PTPA: variants seen among roughly 807,000 people sequenced by gnomAD.
PTPA encodes serine/threonine-protein phosphatase 2A activator.
Under a neutral mutation model 43.6 loss-of-function variants are expected in PTPA, and 13 were observed. The ratio of observed to expected loss-of-function variants is 0.30; its 90% confidence interval spans 0.19 to 0.47. The LOEUF is 0.47. Ranked by LOEUF, PTPA falls within the 20% of genes least tolerant of loss-of-function variation. The pLI is 0.99. For synonymous variants in PTPA, 172 were observed against 158.2 expected, an observed-to-expected ratio of 1.09 and a Z score of -0.66; for missense variants, 329 against 411.9, an observed-to-expected ratio of 0.80 and a Z score of 1.74.
chr9:129,128,436 T>A (rs534887115), intron 3 of PTPA, among the ~76,000 whole-genome samples: 3 of 150,904 alleles, frequency 2.0e-5, no homozygotes, highest in African/African-American at 7.3e-5. Context: ...CTTGGGAGGC[T>A]GAGGCAGGAG....
At chr9:129,125,158 G>C (rs1223199444) in intron 3 of PTPA, among the ~76,000 whole-genome samples, 2 of 152,276 alleles carry the variant, frequency 1.3e-5, no homozygotes, top group East Asian at 3.9e-4. Context: ...GTGGAGGAAG[G>C]CTAATTAAAG....
intron 3 of PTPA, among the ~76,000 whole-genome samples, chr9:129,125,572 T>C (rs1849524292): frequency 6.6e-6 from 1 of 152,092 alleles, no homozygotes; most frequent in African/African-American, 2.4e-5. Context: ...AGGGCTGTAC[T>C]TTGGCAGGAT....
chr9:129,113,274 T>C (rs573162725), intron 1 of PTPA, among the ~76,000 whole-genome samples: 115 of 151,890 alleles, frequency 7.6e-4, no homozygotes, highest in African/African-American at 2.7e-3. Flanking sequence ...GTATTTTTAA[T>C]AGGGACAGGG....
intron 7 of PTPA, among the ~76,000 whole-genome samples, chr9:129,137,097 T>A (rs1392172396): frequency 6.6e-6 from 1 of 152,230 alleles, no homozygotes; most frequent in East Asian, 1.9e-4. Context: ...CTCTTGAAGC[T>A]AGTTTTCAGG....
chr9:129,147,357 C>T, intron 9 of PTPA, 30 bp from the exon 10 acceptor site: 1 of 1,610,444 alleles, frequency 6.2e-7, no homozygotes, highest in Non-Finnish European at 8.5e-7. Context: ...GTGGCCCTCA[C>T]CACTCTGCTC....
chr9:129,140,719 G>T (rs1850736319), intron 8 of PTPA, among the ~76,000 whole-genome samples: 1 of 148,468 alleles, frequency 6.7e-6, no homozygotes, highest in Non-Finnish European at 1.5e-5. Flanking sequence ...TGGTTACACA[G>T]CTCCATGCTC....
chr9:129,137,400 C>A (rs1850442563), intron 7 of PTPA, among the ~76,000 whole-genome samples, 192 bp from the exon 8 acceptor site: 1 of 152,268 alleles, frequency 6.6e-6, no homozygotes, highest in Non-Finnish European at 1.5e-5. Context: ...AGTCATGCGT[C>A]CAACGCCATG....
chr9:129,111,473 CG>C lies in PTPA; in HGVS notation c.-126del. 7.9e-7 allele frequency: 1 copy of C among 1,262,214 alleles called. No homozygotes were observed. Among genetic ancestry groups the C allele is most frequent in the Admixed American group, 4.2e-5 (1 of 23,736 alleles). 78.2% of individuals were successfully genotyped at this position (1,262,214 alleles called of 1,614,324 possible). On this transcript the variant is annotated 5_prime_UTR_variant, in exon 1 of 10. Coordinates refer to ENST00000393370, the MANE Select transcript of PTPA (RefSeq NM_178000.3). ...TTAACTCTCGGTTTTCGGTTATAGC[CG>C]GCCGGCGCTCACTTGTCTTCAGGAA...
At position 129,128,909 on chromosome 9, in the gene PTPA, A is replaced by G; in HGVS notation, c.217-76A>G. 7 of 1,577,634 alleles carry G rather than the reference A, an allele frequency of 4.4e-6. No individual in the cohort carries two copies. The African/African-American group carries it at 5.4e-5, about 12-fold the overall frequency. ...CCATGCCAAGGGGTCATTGTCTGGC[A>G]GCAGTGGACTTCCCTCTGTGGCTAA... is the stretch of plus-strand genomic sequence containing the variant. On this transcript the variant is annotated intron_variant, in intron 3 of 9. Coordinates refer to ENST00000393370, the MANE Select transcript of PTPA (RefSeq NM_178000.3).
chr9:129,148,520 G>A lies in PTPA; in HGVS notation c.*1056G>A, dbSNP rs1851436905. The A allele has an allele frequency of 6.6e-6, 1 of 152,532 alleles. No homozygotes were observed. Among genetic ancestry groups the A allele is most frequent in the African/African-American group, 2.4e-5 (1 of 41,450 alleles). 9.4% of individuals were successfully genotyped at this position (152,532 alleles called of 1,614,324 possible). On this transcript the variant is annotated 3_prime_UTR_variant, in exon 10 of 10. Transcript: ENST00000393370. ...ACTGTCCATTGCTTTTATAGGGTGA[G>A]GTAAGAGACAGCCTCCCAAGCCCAG... is the stretch of plus-strand genomic sequence containing the variant.
At chr9:129,139,206 T>C (rs578016252) in intron 8 of PTPA, among the ~76,000 whole-genome samples, 1 of 152,292 alleles carries the variant, frequency 6.6e-6, no homozygotes, top group East Asian at 1.9e-4. Context: ...ATTGATTCCA[T>C]GGTAAAATTT....
At chr9:129,128,907 G>A in intron 3 of PTPA, 78 bp from the exon 4 acceptor site, 4 of 1,570,772 alleles carry the variant, frequency 2.5e-6, no homozygotes, top group Non-Finnish European at 2.6e-6. Context: ...TCATTGTCTG[G>A]CAGCAGTGGA....
At position 129,147,688 on chromosome 9, in the gene PTPA, G is replaced by A; in HGVS notation, c.*224G>A. 1.8e-6 allele frequency: 1 copy of A among 540,640 alleles called. No homozygotes were observed. The highest frequency in any genetic ancestry group is 3.3e-6 in the Non-Finnish European group (1 of 299,280). The allele number at this position is 540,640 out of a possible 1,614,324, so 33.5% of individuals were successfully genotyped here. On this transcript the variant is annotated 3_prime_UTR_variant, in exon 10 of 10. Coordinates refer to ENST00000393370, the MANE Select transcript of PTPA (RefSeq NM_178000.3). ...TGTAGCCAGTTTTCTGAGTTCCCGT[G>A]TGCTAGACTGGCCAGAAGAGAGGGT...
At chr9:129,111,846 T>C (rs1269389432) in intron 1 of PTPA, 2 of 1,188,540 alleles carry the variant, frequency 1.7e-6, no homozygotes, top group African/African-American at 3.2e-5. Flanking sequence ...GGGGTGGTGA[T>C]TGGGGCGCAA....
Position 129,111,463 on chromosome 9 carries a change from C to T in PTPA, c.-138C>T. On this transcript the variant is annotated 5_prime_UTR_variant, in exon 1 of 10. Coordinates refer to ENST00000393370, the MANE Select transcript of PTPA (RefSeq NM_178000.3). ...TGTGGTGACTTTAACTCTCGGTTTT[C>T]GGTTATAGCCGGCCGGCGCTCACTT... 7.9e-7 allele frequency: 1 copy of T among 1,258,380 alleles called. No homozygotes were observed. Among genetic ancestry groups the T allele is most frequent in the Non-Finnish European group, 1.0e-6 (1 of 993,632 alleles). The allele number at this position is 1,258,380 out of a possible 1,614,324, so 78.0% of individuals were successfully genotyped here. A position where few individuals can be genotyped will look rare whatever the true frequency, so the allele number is the denominator to read the frequency against.
intron 3 of PTPA, 49 bp from the exon 4 acceptor site, chr9:129,128,936 C>T (rs373109896): frequency 3.6e-5 from 57 of 1,604,568 alleles, no homozygotes; most frequent in Non-Finnish European, 4.4e-5. Context: ...TGTGGCTAAG[C>T]GGGAGCCACT....
chr9:129,120,795 C>T (rs367570141), intron 2 of PTPA, among the ~76,000 whole-genome samples, 185 bp downstream of exon 2: 1 of 152,188 alleles, frequency 6.6e-6, no homozygotes, highest in East Asian at 1.9e-4. Context: ...GATGCTTTAT[C>T]AGGAAGGTTG....
At chr9:129,140,771 C>G (rs1043000024) in intron 8 of PTPA, among the ~76,000 whole-genome samples, 1 of 136,442 alleles carries the variant, frequency 7.3e-6, no homozygotes, top group Admixed American at 7.4e-5. Context: ...AGGGCTGGAG[C>G]CTGCAGACTG....
At chr9:129,131,379 T>G (rs993999880) in intron 4 of PTPA, 143 bp from the exon 5 acceptor site, 11 of 668,318 alleles carry the variant, frequency 1.6e-5, no homozygotes, top group Non-Finnish European at 2.9e-5. Flanking sequence ...GTCCCTCCCC[T>G]TCCTTCTGTG....
Sources: allele counts gnomAD v4.1 joint callset (sites outside exome capture counted in the v4.1 genomes callset), GRCh38; gene constraint gnomAD v4.1.1; transcripts MANE v1.5; gene names NCBI Gene and HGNC (gene_info 2026-07-23, HGNC 2026-07-21).